Variants in OSBPL9 observed in about 807,000 individuals in gnomAD.
The protein encoded by OSBPL9 is oxysterol-binding protein-related protein 9.
Under a neutral mutation model 106.6 loss-of-function variants are expected in OSBPL9, and 40 were observed. The observed-to-expected ratio is 0.38, with a 90% CI of 0.29 to 0.49. The LOEUF is 0.49. Among genes scored for constraint, OSBPL9 ranks in the 20% least tolerant of loss-of-function variants. The pLI, the probability that OSBPL9 is intolerant of heterozygous loss-of-function variation, is 0.97. For synonymous variants in OSBPL9, 269 were observed against 295.4 expected (o/e 0.91, Z 0.92); for missense variants, 609 against 887.2 (o/e 0.69, Z 3.98).
At chr1:51,676,611 A>G (rs1570994365) in intron 3 of OSBPL9, among the ~76,000 whole-genome samples, 1 of 150,370 alleles carries the variant, frequency 6.7e-6, no homozygotes, top group Middle Eastern at 3.5e-3. Flanking sequence ...GTGAGCCGAG[A>G]TCGCGCCACT....
At chr1:51,683,623 T>C (rs1450945633) in intron 3 of OSBPL9, among the ~76,000 whole-genome samples, 13 of 151,874 alleles carry the variant, frequency 8.6e-5, no homozygotes, top group Non-Finnish European at 1.9e-4. Flanking sequence ...CAAAACCCTG[T>C]CTCTACCAAA....
chr1:51,520,781 G>A, the OSBPL9 span, among the ~76,000 whole-genome samples: 1 of 152,138 alleles, frequency 6.6e-6, no homozygotes, highest in Non-Finnish European at 1.5e-5. Flanking sequence ...ATTTCCCAAG[G>A]AACTCCTAAT....
At chr1:51,781,137 A>C in intron 15 of OSBPL9, 27 bp from the exon 16 acceptor site, 4 of 1,608,564 alleles carry the variant, frequency 2.5e-6, no homozygotes, top group Non-Finnish European at 3.4e-6. Context: ...AAAGCAGGAC[A>C]TTAAATTTTG....
At chr1:51,566,984 T>C in the OSBPL9 span, among the ~76,000 whole-genome samples, 1 of 152,208 alleles carries the variant, frequency 6.6e-6, no homozygotes, top group Admixed American at 6.5e-5. Context: ...ATGACTCCTG[T>C]GGGCTTTTCT....
chr1:51,688,482 T>C (rs1654295923), intron 3 of OSBPL9, among the ~76,000 whole-genome samples: 1 of 151,964 alleles, frequency 6.6e-6, no homozygotes, highest in Non-Finnish European at 1.5e-5. Flanking sequence ...CAGGGCATGG[T>C]GTTATGCATC....
At chr1:51,762,933 C>T (rs1307634610) in intron 11 of OSBPL9, among the ~76,000 whole-genome samples, 5 of 152,154 alleles carry the variant, frequency 3.3e-5, no homozygotes, top group African/African-American at 1.2e-4. Flanking sequence ...CAGTCTTTCA[C>T]CTTTTTGCCA....
chr1:51,768,633 A>T (rs148907393), intron 12 of OSBPL9, among the ~76,000 whole-genome samples: 10 of 152,388 alleles, frequency 6.6e-5, no homozygotes, highest in African/African-American at 2.4e-4. Context: ...GCTTGATAAT[A>T]TGTGGTTAGC....
rs1003054751 is a variant in OSBPL9, at chr1:51,756,596, C to T, written c.582+238C>T. On this transcript the variant is annotated intron_variant, in intron 9 of 23. Coordinates refer to ENST00000428468, the MANE Select transcript of OSBPL9 (RefSeq NM_024586.6). ...GATTGAATCACTTTGCATGTATTAA[C>T]TTGAAGGGTTAATCATGGTATGAAT... 3.8e-5 allele frequency: 18 copies of T among 479,950 alleles called. No homozygotes were observed. The East Asian group carries it at 5.8e-4, about 15-fold the overall frequency. The allele number at this position is 479,950 out of a possible 1,614,324, so 29.7% of individuals were successfully genotyped here.
chr1:51,546,152 A>T, the OSBPL9 span, among the ~76,000 whole-genome samples: 1 of 151,954 alleles, frequency 6.6e-6, no homozygotes, highest in Non-Finnish European at 1.5e-5. Context: ...AGTAGCTGGG[A>T]CTACAGGTAT....
At chr1:51,602,254 CG>C (rs1645328264) in intron 2 of OSBPL9, among the ~76,000 whole-genome samples, 1 of 151,396 alleles carries the variant, frequency 6.6e-6, no homozygotes, top group Admixed American at 6.6e-5. Flanking sequence ...GTGATCCGCC[CG>C]CCGCGGCCTC....
chr1:51,723,283 C>T (rs1662479717), intron 4 of OSBPL9, among the ~76,000 whole-genome samples: 1 of 152,210 alleles, frequency 6.6e-6, no homozygotes, highest in South Asian at 2.1e-4. Context: ...CCTAAAAATC[C>T]AGTGTGCTCC....
chr1:51,618,527 A>G (rs1416130627), intron 1 of OSBPL9, among the ~76,000 whole-genome samples: 1 of 152,206 alleles, frequency 6.6e-6, no homozygotes, highest in African/African-American at 2.4e-5. Flanking sequence ...AAAGAAAAAC[A>G]TGATTATGGA....
At position 51,787,492 on chromosome 1, in the gene OSBPL9, A is replaced by G. The variant is rs1416736779; in HGVS notation, c.2136+4A>G. ...GGAAATTCAGTGGGAGACAAGGGTAAGCTTGCCTGCCCCACCCTCCTAAGT... is the reference window on the plus strand; with the variant it reads ...GGAAATTCAGTGGGAGACAAGGGTAGGCTTGCCTGCCCCACCCTCCTAAGT... On this transcript the variant is annotated splice_donor_region_variant and intron_variant, in intron 23 of 23. Coordinates refer to ENST00000428468, the MANE Select transcript of OSBPL9 (RefSeq NM_024586.6). 4 of 1,613,792 alleles carry G rather than the reference A, an allele frequency of 2.5e-6. No individual in the cohort carries two copies. The highest frequency in any genetic ancestry group is 3.4e-6 in the Non-Finnish European group (4 of 1,179,848).
chr1:51,786,917 A>AT (rs2149168491), intron 22 of OSBPL9, among the ~76,000 whole-genome samples: 1 of 152,286 alleles, frequency 6.6e-6, no homozygotes, highest in East Asian at 1.9e-4. Context: ...CTCTCCATTC[A>AT]TACTATTTTC....
intron 1 of OSBPL9, among the ~76,000 whole-genome samples, chr1:51,643,490 A>G (rs1645939052): frequency 6.6e-6 from 1 of 152,068 alleles, no homozygotes; most frequent in South Asian, 2.1e-4. Flanking sequence ...CTTAGGCAAG[A>G]AAGTGATTGG....
intron 1 of OSBPL9, among the ~76,000 whole-genome samples, chr1:51,597,758 C>T (rs980235667): frequency 6.6e-6 from 1 of 152,124 alleles, no homozygotes; most frequent in African/African-American, 2.4e-5. Context: ...TAAGAGCCTC[C>T]TTTAGAATTC....
At chr1:51,608,625 T>G (rs974410122) in intron 2 of OSBPL9, among the ~76,000 whole-genome samples, 2 of 149,358 alleles carry the variant, frequency 1.3e-5, no homozygotes, top group African/African-American at 2.5e-5. Flanking sequence ...TTTAGAGAGA[T>G]AGTTTAACAA....
At chr1:51,725,074 GT>G (rs1662870212) in intron 4 of OSBPL9, among the ~76,000 whole-genome samples, 1 of 147,502 alleles carries the variant, frequency 6.8e-6, no homozygotes, top group African/African-American at 2.5e-5. Context: ...TGCTTTTGTG[GT>G]TGTCGTACAG....
At chr1:51,786,486 T>C in intron 21 of OSBPL9, 40 bp from the exon 22 acceptor site, 1 of 1,378,334 alleles carries the variant, frequency 7.3e-7, no homozygotes, top group African/African-American at 1.4e-5. Flanking sequence ...AGGTTAGGGG[T>C]TTATGGGTCT....
Sources: allele counts gnomAD v4.1 joint callset (sites outside exome capture counted in the v4.1 genomes callset), GRCh38; gene constraint gnomAD v4.1.1; transcripts MANE v1.5; gene names NCBI Gene and HGNC (gene_info 2026-07-23, HGNC 2026-07-21).